The following PCDH7 variants were observed in gnomAD, a reference collection of about 807,000 sequenced individuals.
The protein encoded by PCDH7 is protocadherin 7.
In PCDH7, 17 loss-of-function variants were observed where a neutral mutation model predicts 58.9. That is an observed-to-expected ratio of 0.29 (90% confidence interval 0.20 to 0.43). PCDH7 has a LOEUF of 0.43. PCDH7 is among the 20% of genes least tolerant of loss of function. The probability of loss-of-function intolerance (pLI) is 1.00; values close to 1 mark genes in which losing one functional copy is unlikely to be tolerated. For missense variants in PCDH7, 1,274 were observed against 1,441.0 expected (o/e 0.88, Z 1.88); for synonymous variants, 664 against 616.4 (o/e 1.08, Z -1.14).
intron 3 of PCDH7, among the ~76,000 whole-genome samples, chr4:30,950,910 G>A (rs1430014908): frequency 1.3e-5 from 2 of 152,172 alleles, no homozygotes; most frequent in Non-Finnish European, 2.9e-5. Flanking sequence ...TCAAACTCCA[G>A]CAGAGTCATA....
chr4:30,974,562 A>G (rs980007008), intron 3 of PCDH7, among the ~76,000 whole-genome samples: 1 of 152,140 alleles, frequency 6.6e-6, no homozygotes, highest in Non-Finnish European at 1.5e-5. Context: ...AGAAACTACC[A>G]GTTGTGTGTT....
At chr4:30,999,188 T>C (rs1318892807) in intron 3 of PCDH7, among the ~76,000 whole-genome samples, 1 of 152,152 alleles carries the variant, frequency 6.6e-6, no homozygotes, top group Non-Finnish European at 1.5e-5. Context: ...CTTCTTGAGA[T>C]CTAGTTAACT....
intron 3 of PCDH7, among the ~76,000 whole-genome samples, chr4:31,092,641 T>C (rs1371075032): frequency 6.6e-6 from 1 of 152,042 alleles, no homozygotes; most frequent in African/African-American, 2.4e-5. Flanking sequence ...AATTCCAGTT[T>C]AATACAGGCA....
chr4:31,141,822 G>C (rs561250897), intron 3 of PCDH7, among the ~76,000 whole-genome samples: 14 of 152,110 alleles, frequency 9.2e-5, no homozygotes, highest in Admixed American at 6.5e-4. Flanking sequence ...TGGTAGGAGG[G>C]GGGTGAGGGG....
intron 1 of PCDH7, chr4:30,725,007 C>T (rs1340624103): frequency 9.9e-7 from 1 of 1,012,462 alleles, no homozygotes; most frequent in East Asian, 1.1e-4. Flanking sequence ...TCTAAAGTTA[C>T]TACTGGTGTC....
At chr4:31,109,994 T>G (rs891105122) in intron 3 of PCDH7, among the ~76,000 whole-genome samples, 12 of 152,210 alleles carry the variant, frequency 7.9e-5, no homozygotes, top group African/African-American at 2.7e-4. Flanking sequence ...CTCAATATTA[T>G]TAATCAGAAA....
chr4:31,021,173 G>A (rs1355870826), intron 3 of PCDH7, among the ~76,000 whole-genome samples: 1 of 152,096 alleles, frequency 6.6e-6, no homozygotes, highest in Non-Finnish European at 1.5e-5. Flanking sequence ...TTAAGTCATG[G>A]GATAAGGGTC....
At chr4:30,815,843 A>T (rs1197824411) in intron 1 of PCDH7, among the ~76,000 whole-genome samples, 1 of 152,168 alleles carries the variant, frequency 6.6e-6, no homozygotes, top group East Asian at 1.9e-4. Flanking sequence ...TTAGAGAGAC[A>T]GTTTAACAAC....
At position 30,763,071 on chromosome 4, in the gene PCDH7, C is replaced by T. The variant is rs375199618; in HGVS notation, c.70+38475C>T. On this transcript the variant is annotated intron_variant, in intron 1 of 3. Transcript: ENST00000509759. The stretch of plus-strand genomic sequence containing the variant: ...CAGCCTGGCCAACATGGTGAAACCC[C>T]GTCTCTACTAAAAATACAAAATTAG... 3.0e-4 allele frequency among the ~76,000 whole-genome samples: 46 copies of T among 152,146 alleles called. 1 individual carries two copies. In the East Asian group the frequency reaches 7.6e-3, roughly 25 times the overall value.
intron 3 of PCDH7, among the ~76,000 whole-genome samples, chr4:31,123,806 AGT>A (rs1478529085): frequency 2.0e-5 from 3 of 152,072 alleles, no homozygotes; most frequent in African/African-American, 7.2e-5. Flanking sequence ...AGTGGCTCTC[AGT>A]GTGATGGGGG....
At chr4:31,051,937 T>C (rs564482182) in intron 3 of PCDH7, among the ~76,000 whole-genome samples, 30 of 152,240 alleles carry the variant, frequency 2.0e-4, no homozygotes, top group African/African-American at 6.7e-4. Flanking sequence ...TTGAATATTA[T>C]GACATTCATT....
At chr4:30,754,143 G>A (rs916677215) in intron 1 of PCDH7, among the ~76,000 whole-genome samples, 17 of 150,340 alleles carry the variant, frequency 1.1e-4, no homozygotes, top group African/African-American at 4.2e-4. Context: ...AAACTGTCAA[G>A]ATTTGCTGCA....
intron 1 of PCDH7, among the ~76,000 whole-genome samples, chr4:30,889,137 C>CAAAAAAAAAAAAAAAAAAAAAAAAA (rs371917620): frequency 1.6e-4 from 8 of 49,980 alleles, no homozygotes; most frequent in Non-Finnish European, 3.1e-4. Context: ...GCAGATATCT[C>CAAAAAAAAAAAAAAAAAAAAAAAAA]AAAAAAAAAA....
chr4:30,870,917 C>A (rs1578116209), intron 1 of PCDH7, among the ~76,000 whole-genome samples: 2 of 152,038 alleles, frequency 1.3e-5, no homozygotes, highest in South Asian at 4.1e-4. Flanking sequence ...CTTCTATGCC[C>A]CAAATTCTGA....
intron 3 of PCDH7, among the ~76,000 whole-genome samples, chr4:30,969,484 C>T (rs571168465): frequency 6.6e-6 from 1 of 152,174 alleles, no homozygotes; most frequent in East Asian, 1.9e-4. Context: ...CGTTTGGTTC[C>T]TATAACTATT....
intron 1 of PCDH7, among the ~76,000 whole-genome samples, chr4:30,879,425 A>G (rs1160528521): frequency 6.6e-6 from 1 of 152,058 alleles, no homozygotes; most frequent in Non-Finnish European, 1.5e-5. Flanking sequence ...AACCGTGATC[A>G]CACAAGTCAT....
At chr4:30,760,659 A>G (rs1719905235) in intron 1 of PCDH7, among the ~76,000 whole-genome samples, 1 of 152,168 alleles carries the variant, frequency 6.6e-6, no homozygotes, top group South Asian at 2.1e-4. Flanking sequence ...GAACTCTTCA[A>G]GGGGAACTAC....
At position 30,995,178 on chromosome 4, in the gene PCDH7, G is replaced by A. The variant is rs565080590; in HGVS notation, c.*7+44963G>A. Among the ~76,000 whole-genome samples, 29 of 152,080 alleles carry A rather than the reference G, an allele frequency of 1.9e-4. No homozygotes were observed. In the East Asian group the frequency reaches 2.9e-3, roughly 15 times the overall value. On this transcript the variant is annotated intron_variant, in intron 3 of 3. Coordinates refer to the PCDH7 transcript ENST00000509759. ...TTACATTATATTTCTTCTATTGGTC[G>A]ACATTGGTGCTGACAGTTTATACAA...
intron 1 of PCDH7, among the ~76,000 whole-genome samples, chr4:30,787,134 C>A (rs1723504263): frequency 6.6e-6 from 1 of 151,934 alleles, no homozygotes; most frequent in Non-Finnish European, 1.5e-5. Flanking sequence ...AATTCTTTTT[C>A]TTCAGTTTGC....
Sources: allele counts gnomAD v4.1 joint callset (sites outside exome capture counted in the v4.1 genomes callset), GRCh38; gene constraint gnomAD v4.1.1; transcripts MANE v1.5; gene names NCBI Gene and HGNC (gene_info 2026-07-23, HGNC 2026-07-21).